Variants in RGS7 observed in about 807,000 individuals in gnomAD.
RGS7 encodes the protein regulator of G-protein signaling 7.
In RGS7, 27 loss-of-function variants were observed where a neutral mutation model predicts 81.1. The observed-to-expected ratio is 0.33, with a 90% confidence interval of 0.25 to 0.46. The LOEUF (loss-of-function observed/expected upper bound fraction) is 0.46. Among genes scored for constraint, RGS7 ranks in the 20% least tolerant of loss-of-function variants. The pLI is 1.00. For synonymous variants in RGS7, 208 were observed against 207.7 expected (o/e 1.00, Z -0.01); for missense variants, 396 against 607.4 (o/e 0.65, Z 3.66).
chr1:241,075,582 T>TA lies in RGS7; in HGVS notation c.175+23083dup, dbSNP rs200157262. On this transcript the variant is annotated intron_variant, in intron 3 of 18. Coordinates refer to ENST00000440928, the MANE Select transcript of RGS7 (RefSeq NM_001364886.1). ...GGCCATACATAAATCACACTAACAC[T>TA]AACGATACCTGATAAGAAAAAAAAA... 8.9e-3 allele frequency among the ~76,000 whole-genome samples: 1,347 copies of TA among 152,030 alleles called. 25 individuals are homozygous for TA. The highest frequency in any genetic ancestry group is 0.031 in the African/African-American group (1,282 of 41,434).
At chr1:241,138,693 A>T (rs2067703314) in intron 2 of RGS7, among the ~76,000 whole-genome samples, 1 of 152,048 alleles carries the variant, frequency 6.6e-6, no homozygotes, top group Admixed American at 6.6e-5. Flanking sequence ...CCTCATCTCG[A>T]CCCTTTCCAT....
chr1:241,011,852 T>C (rs1048952923), intron 3 of RGS7, among the ~76,000 whole-genome samples: 1 of 152,198 alleles, frequency 6.6e-6, no homozygotes, highest in African/African-American at 2.4e-5. Context: ...TCTTTTGATA[T>C]ATATATATAT....
rs1328797800 is a variant in RGS7, at chr1:240,801,513, C to A, written c.1360-5G>T. ...GCGATCCATTGAGTTTCCAGACTTACGTATGTGGGGTAGGATAGGATGAAG... is the reference window on the plus strand; with the variant it reads ...GCGATCCATTGAGTTTCCAGACTTAAGTATGTGGGGTAGGATAGGATGAAG... On this transcript the variant is annotated splice_region_variant and splice_polypyrimidine_tract_variant and intron_variant, in intron 16 of 18. Coordinates refer to ENST00000440928, the MANE Select transcript of RGS7 (RefSeq NM_001364886.1). 1 of 1,597,610 alleles carries A rather than the reference C, an allele frequency of 6.3e-7. No homozygotes were observed. The highest frequency in any genetic ancestry group is 1.3e-5 in the African/African-American group (1 of 74,304).
chr1:241,017,429 C>T (rs1206579551), intron 3 of RGS7, among the ~76,000 whole-genome samples: 8 of 133,756 alleles, frequency 6.0e-5, no homozygotes. Context: ...GACAGAGCAA[C>T]ACTCTGTCTC....
At chr1:241,091,274 C>T (rs2063851674) in intron 3 of RGS7, among the ~76,000 whole-genome samples, 1 of 151,778 alleles carries the variant, frequency 6.6e-6, no homozygotes, top group Non-Finnish European at 1.5e-5. Context: ...GCTGGCCGGG[C>T]ACTGTGGCTC....
At chr1:241,235,671 T>C (rs1207360411) in intron 2 of RGS7, among the ~76,000 whole-genome samples, 2 of 78,252 alleles carry the variant, frequency 2.6e-5, no homozygotes, top group Admixed American at 1.0e-4. Context: ...TCTCTTTCTC[T>C]CTCTCTTTCT....
intron 3 of RGS7, among the ~76,000 whole-genome samples, chr1:241,066,742 A>G (rs1447866670): frequency 2.6e-5 from 4 of 152,210 alleles, no homozygotes; most frequent in Non-Finnish European, 4.4e-5. Flanking sequence ...TGACTTAGAA[A>G]TAGGAATCAC....
At chr1:240,919,685 C>T (rs1390027008) in intron 6 of RGS7, 23 of 565,792 alleles carry the variant, frequency 4.1e-5, no homozygotes. Flanking sequence ...AAGAACCGAA[C>T]AGCTGAGGAA....
chr1:241,267,668 T>C (rs1226519112), intron 2 of RGS7, among the ~76,000 whole-genome samples: 1 of 152,206 alleles, frequency 6.6e-6, no homozygotes, highest in African/African-American at 2.4e-5. Flanking sequence ...CTCTCATCAA[T>C]TTCTTTGCCT....
At chr1:240,939,042 AG>A (rs1461684764) in intron 4 of RGS7, among the ~76,000 whole-genome samples, 1 of 152,202 alleles carries the variant, frequency 6.6e-6, no homozygotes, top group Non-Finnish European at 1.5e-5. Context: ...CTATTAATAA[AG>A]GTCATAAACC....
chr1:240,899,141 T>G (rs560789257), intron 6 of RGS7, among the ~76,000 whole-genome samples: 4 of 152,326 alleles, frequency 2.6e-5, no homozygotes, highest in Non-Finnish European at 4.4e-5. Context: ...GCTTGGTAGA[T>G]CTTCCTCCAT....
Position 241,128,648 on chromosome 1 carries a change from A to C in RGS7, c.79-29886T>G, listed in dbSNP as rs35883297. ...TTATAATGTCAAAAATATAAATTAC[A>C]CAGTATATGTATATATGTAAATATA... On this transcript the variant is annotated intron_variant, in intron 2 of 18. Coordinates refer to ENST00000440928, the MANE Select transcript of RGS7 (RefSeq NM_001364886.1). Among the ~76,000 whole-genome samples the C allele has an allele frequency of 4.6e-5, 7 of 152,162 alleles. No homozygotes were observed. The East Asian group carries it at 1.4e-3, about 29-fold the overall frequency.
intron 5 of RGS7, 45 bp from the exon 6 acceptor site, chr1:240,930,813 A>G (rs149976420): frequency 6.4e-7 from 1 of 1,574,524 alleles, no homozygotes; most frequent in Admixed American, 1.7e-5. Context: ...CAAATAAAAA[A>G]TTAGTGGAGT....
intron 2 of RGS7, among the ~76,000 whole-genome samples, chr1:241,106,752 CCACACACACACA>C (rs778017157): frequency 3.3e-5 from 4 of 121,684 alleles, no homozygotes; most frequent in Non-Finnish European, 6.5e-5. Context: ...AACACCACCA[CCACACACACACA>C]CACACACACA....
intron 2 of RGS7, among the ~76,000 whole-genome samples, chr1:241,352,616 C>T (rs777230695): frequency 2.0e-5 from 3 of 152,192 alleles, no homozygotes; most frequent in South Asian, 2.1e-4. Context: ...AACCCTAATC[C>T]GGATCATGAA....
At chr1:240,963,457 C>T (rs1009823119) in intron 4 of RGS7, among the ~76,000 whole-genome samples, 1 of 152,070 alleles carries the variant, frequency 6.6e-6, no homozygotes, top group African/African-American at 2.4e-5. Flanking sequence ...ATAGAGAAAT[C>T]TGTGAAAGGT....
intron 6 of RGS7, among the ~76,000 whole-genome samples, chr1:240,883,430 A>G (rs2148101368): frequency 6.6e-6 from 1 of 152,338 alleles, no homozygotes; most frequent in Admixed American, 6.5e-5. Context: ...GGCAACTTGT[A>G]GTTCCTTAAG....
chr1:241,015,396 C>T (rs926795233), intron 3 of RGS7, among the ~76,000 whole-genome samples: 4 of 152,072 alleles, frequency 2.6e-5, no homozygotes, highest in Admixed American at 1.3e-4. Flanking sequence ...TTCTTGGTTG[C>T]TAATGTTTTC....
intron 3 of RGS7, among the ~76,000 whole-genome samples, chr1:241,081,605 A>C (rs2063138470): frequency 6.6e-6 from 1 of 152,248 alleles, no homozygotes; most frequent in Non-Finnish European, 1.5e-5. Flanking sequence ...ATTTCTTCAT[A>C]GACTCTTGGC....
Sources: allele counts gnomAD v4.1 joint callset (sites outside exome capture counted in the v4.1 genomes callset), GRCh38; gene constraint gnomAD v4.1.1; transcripts MANE v1.5; gene names NCBI Gene and HGNC (gene_info 2026-07-23, HGNC 2026-07-21).